Variants in LEPR observed in about 807,000 individuals in gnomAD.
LEPR encodes the protein leptin receptor.
A neutral mutation model predicts 114.7 loss-of-function variants in LEPR; 56 were observed. The ratio of observed to expected loss-of-function variants is 0.49; its 90% CI spans 0.39 to 0.61. The LOEUF is 0.61. Among genes scored for constraint, LEPR ranks in the 20% least tolerant of loss-of-function variants. The pLI, the probability that LEPR is intolerant of heterozygous loss-of-function variation, is 0.00. For synonymous variants in LEPR, 443 were observed against 461.4 expected (o/e 0.96, Z 0.51); for missense variants, 1,202 against 1,352.9 (o/e 0.89, Z 1.75).
chr1:65,612,345 A>C (rs570303056), intron 14 of LEPR, among the ~76,000 whole-genome samples: 1 of 152,336 alleles, frequency 6.6e-6, no homozygotes, highest in South Asian at 2.1e-4. Flanking sequence ...TGTTACAATG[A>C]ATTAAACAAT....
chr1:65,622,222 C>A (rs1657931632), intron 18 of LEPR, among the ~76,000 whole-genome samples: 2 of 152,180 alleles, frequency 1.3e-5, no homozygotes, highest in East Asian at 3.9e-4. Context: ...TTGGAGGTGG[C>A]AAAAATGGCT....
chr1:65,605,069 A>C lies in LEPR; in HGVS notation c.1435A>C (p.Ile479Leu). 3 of 1,613,848 alleles carry C rather than the reference A, an allele frequency of 1.9e-6. No homozygotes were observed. The highest frequency in any genetic ancestry group is 1.1e-5 in the South Asian group (1 of 91,064). The change falls in exon 11 of 20, where the codon ATT (isoleucine) becomes CTT (leucine). Residue 479 changes from isoleucine (I) to leucine (L), a missense_variant. Ile to Leu is a conservative substitution (Grantham distance 5). Transcript: ENST00000349533. ...CCTTTACTGTTCTGATATTCCATCT[A>C]TTCATCCCATATCTGAGCCCAAAGA... ...SSLYCSDIPS[I>L]HPISEPKDCY... is the part of the protein sequence containing the mutation.
intron 2 of LEPR, among the ~76,000 whole-genome samples, chr1:65,495,278 G>T (rs1382016351): frequency 6.6e-6 from 1 of 152,102 alleles, no homozygotes; most frequent in East Asian, 1.9e-4. Flanking sequence ...TGTACAGATG[G>T]CCAACAGATG....
chr1:65,627,614 T>C (rs1658295732), intron 19 of LEPR, among the ~76,000 whole-genome samples: 1 of 152,144 alleles, frequency 6.6e-6, no homozygotes, highest in East Asian at 1.9e-4. Context: ...AGGTATGTAC[T>C]CAATAGAAAT....
In LEPR at chr1:65,613,473, G is replaced by GAACAAC. The variant is rs1553171717; in HGVS notation, c.1996-2535_1996-2534insAACAAC. On this transcript the variant is annotated intron_variant, in intron 14 of 19. Coordinates refer to ENST00000349533, the MANE Select transcript of LEPR (RefSeq NM_002303.6). ...AAGAAATCTTTAAGATTCAACAGGG[G>GAACAAC]CCGGGCGCGGTGGCTCACGCCTGTA... is the stretch of plus-strand genomic sequence containing the variant. Among the ~76,000 whole-genome samples the GAACAAC allele has an allele frequency of 1.0e-3, 145 of 142,872 alleles. 7 individuals are homozygous for GAACAAC. Among genetic ancestry groups the GAACAAC allele is most frequent in the East Asian group, 3.4e-3 (8 of 2,380 alleles). 93.7% of individuals were successfully genotyped at this position (142,872 alleles called of 152,430 possible).
At chr1:65,461,818 A>G (rs1197108179) in intron 2 of LEPR, among the ~76,000 whole-genome samples, 1 of 152,132 alleles carries the variant, frequency 6.6e-6, no homozygotes, top group Non-Finnish European at 1.5e-5. Flanking sequence ...CATCAATGGT[A>G]TATATTTTTG....
Position 65,636,872 on chromosome 1 carries a change from A to G in LEPR, c.3355A>G (p.Ser1119Gly), listed in dbSNP as rs1658736736. The G allele has an allele frequency of 1.1e-5, 18 of 1,608,780 alleles. No individual in the cohort carries two copies. The highest frequency in any genetic ancestry group is 1.5e-5 in the Non-Finnish European group (18 of 1,177,628). The change falls in exon 20 of 20, where the codon AGT becomes GGT. Residue 1119 changes from serine to glycine, a missense_variant. By Grantham distance (56) the Ser-to-Gly change is moderately conservative. Transcript: ENST00000349533. ...LFTDIRVLQD[S>G]CSHFVENNIN... ...CACGGACATCAGAGTTCTCCAGGAC[A>G]GTTGCTCACACTTTGTAGAAAATAA...
At chr1:65,537,788 T>C (rs1650883643) in intron 2 of LEPR, among the ~76,000 whole-genome samples, 2 of 152,174 alleles carry the variant, frequency 1.3e-5, no homozygotes, top group Non-Finnish European at 2.9e-5. Flanking sequence ...TTTGTATTTT[T>C]GTCTATTGGT....
chr1:65,575,827 C>G (rs1654546296), intron 5 of LEPR, among the ~76,000 whole-genome samples: 1 of 151,424 alleles, frequency 6.6e-6, no homozygotes, highest in South Asian at 2.1e-4. Context: ...AAATTATATT[C>G]TGATTTCCTT....
At chr1:65,483,742 A>G (rs1161034152) in intron 2 of LEPR, among the ~76,000 whole-genome samples, 2 of 152,128 alleles carry the variant, frequency 1.3e-5, no homozygotes, top group African/African-American at 2.4e-5. Context: ...CGGAATATCC[A>G]TCCTCCAGAT....
At chr1:65,583,750 A>T (rs141466594) in intron 5 of LEPR, among the ~76,000 whole-genome samples, 3 of 152,156 alleles carry the variant, frequency 2.0e-5, no homozygotes, top group Non-Finnish European at 2.9e-5. Flanking sequence ...AATGTGACCC[A>T]TAACCAAGAG....
rs139280171 is a variant in LEPR, at chr1:65,566,065, T to G, written c.40+460T>G. Among the ~76,000 whole-genome samples the G allele has an allele frequency of 5.9e-3, 902 of 152,308 alleles. 7 individuals are homozygous for G. The highest frequency in any genetic ancestry group is 0.021 in the African/African-American group (867 of 41,562). On this transcript the variant is annotated intron_variant, in intron 3 of 19. Coordinates refer to ENST00000349533, the MANE Select transcript of LEPR (RefSeq NM_002303.6). ...TTAATGGTTGCATGACAATGCACTG[T>G]ATGAATATATATAAAATTATTAGTC...
intron 2 of LEPR, among the ~76,000 whole-genome samples, chr1:65,557,529 C>T (rs1208414403): frequency 2.0e-5 from 3 of 152,258 alleles, no homozygotes; most frequent in Admixed American, 1.3e-4. Context: ...AAGTGATTCT[C>T]TTGCTTCAGC....
chr1:65,475,192 T>TA (rs2100428687), intron 2 of LEPR, among the ~76,000 whole-genome samples: 2 of 152,300 alleles, frequency 1.3e-5, no homozygotes, highest in East Asian at 3.9e-4. Context: ...AAGTTAATAC[T>TA]ATAATTGATG....
Position 65,636,541 on chromosome 1 carries a change from A to G in LEPR, c.3024A>G (p.Ser1008=), listed in dbSNP as rs6413506. ...TGEEQGLINS[S]VTKCFSSKNS... Reference sequence around the variant, plus strand: ...AAGAACAAGGGCTTATAAATAGTTCAGTCACCAAGTGCTTCTCTAGCAAAA... The same window carrying G: ...AAGAACAAGGGCTTATAAATAGTTCGGTCACCAAGTGCTTCTCTAGCAAAA... Residue 1008 remains serine, a synonymous_variant, in exon 20 of 20, where the codon TCA becomes TCG. Coordinates refer to ENST00000349533, the MANE Select transcript of LEPR (RefSeq NM_002303.6). 2.9e-3 allele frequency: 4,634 copies of G among 1,614,090 alleles called. 127 individuals are homozygous for G. The African/African-American group carries it at 0.055, about 19-fold the overall frequency.
At chr1:65,478,855 C>G (rs575055774) in intron 2 of LEPR, among the ~76,000 whole-genome samples, 1 of 152,236 alleles carries the variant, frequency 6.6e-6, no homozygotes, top group Admixed American at 6.5e-5. Context: ...TGTACTCACC[C>G]CACCTGTTGA....
intron 2 of LEPR, among the ~76,000 whole-genome samples, chr1:65,468,481 A>T (rs1184307238): frequency 6.6e-6 from 1 of 152,088 alleles, no homozygotes; most frequent in Non-Finnish European, 1.5e-5. Context: ...AAGCTTCCTT[A>T]AAAAAAATTG....
In LEPR at chr1:65,558,501, G is replaced by GTTTTTTTTTTTTTTTTTTTT. The variant is rs781558613; in HGVS notation, c.-20-7030_-20-7029insTTTTTTTTTTTTTTTTTTTT. Among the ~76,000 whole-genome samples, 21 of 23,148 alleles carry GTTTTTTTTTTTTTTTTTTTT rather than the reference G, an allele frequency of 9.1e-4. 7 individuals carry two copies. The highest frequency in any genetic ancestry group is 1.3e-3 in the Non-Finnish European group (16 of 12,132). The allele number at this position is 23,148 out of a possible 152,430, so 15.2% of individuals were successfully genotyped here. On this transcript the variant is annotated intron_variant, in intron 2 of 19. Coordinates refer to ENST00000349533, the MANE Select transcript of LEPR (RefSeq NM_002303.6). The stretch of plus-strand genomic sequence containing the variant: ...TGAGTCATGAGACATGTTTCTTAAT[G>GTTTTTTTTTTTTTTTTTTTT]TTTTTTTTTTTTTTTGAATCAGAAG...
chr1:65,468,707 A>G (rs1170413976), intron 2 of LEPR, among the ~76,000 whole-genome samples: 1 of 152,202 alleles, frequency 6.6e-6, no homozygotes, highest in Non-Finnish European at 1.5e-5. Flanking sequence ...GCTCTATGGA[A>G]CCGTATGAAT....
Sources: allele counts gnomAD v4.1 joint callset (sites outside exome capture counted in the v4.1 genomes callset), GRCh38; gene constraint gnomAD v4.1.1; transcripts MANE v1.5; gene names NCBI Gene and HGNC (gene_info 2026-07-23, HGNC 2026-07-21).